Variants in CNOT10 observed in about 807,000 individuals in gnomAD.
CNOT10 encodes the protein CCR4-NOT transcription complex, subunit 10.
Under a neutral mutation model 94.6 loss-of-function variants are expected in CNOT10, and 30 were observed. That is an observed-to-expected ratio of 0.32 (90% CI 0.24 to 0.43). CNOT10 has a LOEUF of 0.43. Among genes scored for constraint, CNOT10 ranks in the 20% least tolerant of loss-of-function variants. CNOT10 has a pLI of 1.00. For synonymous variants in CNOT10, 289 were observed against 301.6 expected (o/e 0.96, Z 0.43); for missense variants, 759 against 877.2 (o/e 0.87, Z 1.70).
At chr3:32,755,085 A>G (rs188924975) in intron 13 of CNOT10, among the ~76,000 whole-genome samples, 42 of 150,752 alleles carry the variant, frequency 2.8e-4, no homozygotes, top group Admixed American at 5.9e-4. Flanking sequence ...CATCTCTACT[A>G]AAAATACAAA....
At chr3:32,727,092 G>T (rs945368339) in intron 9 of CNOT10, among the ~76,000 whole-genome samples, 5 of 151,874 alleles carry the variant, frequency 3.3e-5, no homozygotes, top group Admixed American at 1.3e-4. Flanking sequence ...TGATCTGCCC[G>T]CCTTGGCCTC....
At position 32,734,876 on chromosome 3, in the gene CNOT10, C is replaced by G; in HGVS notation, c.1414C>G (p.Leu472Val). The G allele has an allele frequency of 8.7e-6, 14 of 1,613,892 alleles. No homozygotes were observed. Among genetic ancestry groups the G allele is most frequent in the Non-Finnish European group, 1.2e-5 (14 of 1,179,844 alleles). ...AICLRNALLL[L>V]PEEQQDPKQE... The stretch of plus-strand genomic sequence containing the variant: ...ATGTCTCAGAAATGCCTTGTTGCTG[C>G]TACCTGAAGAACAGCAAGATCCAAA... The change falls in exon 12 of 19, where the codon CTA (leucine) becomes GTA (valine). Residue 472 changes from leucine to valine, a missense_variant. By Grantham distance (32) the Leu-to-Val change is conservative. This residue lies in a region of CNOT10 where 682 missense variants were observed against 799.4 expected (regional missense o/e 0.85). Transcript: ENST00000328834.
At chr3:32,707,445 G>A (rs2125522240) in intron 3 of CNOT10, among the ~76,000 whole-genome samples, 1 of 152,134 alleles carries the variant, frequency 6.6e-6, no homozygotes, top group East Asian at 1.9e-4. Context: ...CTAGCCCTAT[G>A]GCCTTGGGCA....
At chr3:32,771,232 T>C (rs933682080) in intron 18 of CNOT10, among the ~76,000 whole-genome samples, 4 of 151,632 alleles carry the variant, frequency 2.6e-5, no homozygotes, top group African/African-American at 4.8e-5. Flanking sequence ...AAGGCTGAGA[T>C]TGGAGGATCA....
intron 13 of CNOT10, among the ~76,000 whole-genome samples, chr3:32,740,754 C>T (rs1371645669): frequency 9.9e-5 from 15 of 151,326 alleles, no homozygotes; most frequent in African/African-American, 2.4e-4. Flanking sequence ...CCCAGCTACG[C>T]GGGAGGCTGA....
chr3:32,746,559 G>A (rs1254810133), intron 13 of CNOT10, among the ~76,000 whole-genome samples: 4 of 151,956 alleles, frequency 2.6e-5, no homozygotes, highest in Non-Finnish European at 5.9e-5. Context: ...CACTCCTGCC[G>A]GGTGCAGTGG....
At chr3:32,728,828 G>A (rs1401367758) in intron 10 of CNOT10, among the ~76,000 whole-genome samples, 1 of 151,550 alleles carries the variant, frequency 6.6e-6, no homozygotes, top group Non-Finnish European at 1.5e-5. Context: ...ACAGCCAGGT[G>A]CGGTGGTCAC....
At chr3:32,726,026 C>T (rs536210494) in intron 9 of CNOT10, among the ~76,000 whole-genome samples, 50 of 152,284 alleles carry the variant, frequency 3.3e-4, no homozygotes, top group African/African-American at 1.2e-3. Context: ...CTCATTTCAA[C>T]TTCTGCCTCC....
At chr3:32,698,833 TG>T (rs1359800366) in intron 1 of CNOT10, among the ~76,000 whole-genome samples, 1 of 152,220 alleles carries the variant, frequency 6.6e-6, no homozygotes, top group African/African-American at 2.4e-5. Context: ...CTGCCCAGGC[TG>T]GAGTGCTTTG....
chr3:32,755,319 CTTT>C (rs777391696), intron 13 of CNOT10, among the ~76,000 whole-genome samples: 2 of 131,164 alleles, frequency 1.5e-5, no homozygotes, highest in Non-Finnish European at 3.3e-5. Context: ...TTTTCTTTTT[CTTT>C]TTTTTTTTTT....
At chr3:32,752,676 C>T (rs1340387461) in intron 13 of CNOT10, among the ~76,000 whole-genome samples, 1 of 152,174 alleles carries the variant, frequency 6.6e-6, no homozygotes. Flanking sequence ...TAAACTTCAA[C>T]TTTAACAGTT....
At chr3:32,721,429 C>CTTTTTT (rs58351356) in intron 8 of CNOT10, among the ~76,000 whole-genome samples, 72 of 72,570 alleles carry the variant, frequency 9.9e-4, no homozygotes, top group East Asian at 4.3e-3. Context: ...TTTCTTTCAT[C>CTTTTTT]TTTTTTTTTT....
At chr3:32,735,821 T>G (rs1699163077) in intron 12 of CNOT10, among the ~76,000 whole-genome samples, 1 of 152,182 alleles carries the variant, frequency 6.6e-6, no homozygotes, top group African/African-American at 2.4e-5. Context: ...CCAGAATATT[T>G]TTGTATATTT....
chr3:32,716,663 T>G (rs1015134419), intron 6 of CNOT10, among the ~76,000 whole-genome samples: 25 of 152,180 alleles, frequency 1.6e-4, no homozygotes, highest in Non-Finnish European at 7.3e-5. Flanking sequence ...TTGTTTGTTT[T>G]TTGAGACGGA....
intron 1 of CNOT10, among the ~76,000 whole-genome samples, chr3:32,696,372 A>G (rs1386975566): frequency 6.6e-6 from 1 of 151,844 alleles, no homozygotes; most frequent in Non-Finnish European, 1.5e-5. Context: ...TCAGGCTGGT[A>G]GTCATATACT....
Position 32,733,384 on chromosome 3 carries a change from A to G in CNOT10, c.1216-39A>G, listed in dbSNP as rs551879879. 94 of 1,466,840 alleles carry G rather than the reference A, an allele frequency of 6.4e-5. 2 individuals carry two copies. In the South Asian group the frequency reaches 9.4e-4, roughly 15 times the overall value. 90.9% of individuals were successfully genotyped at this position (1,466,840 alleles called of 1,614,324 possible). The stretch of plus-strand genomic sequence containing the variant: ...CTCATTTTTTATACCACATCTTACA[A>G]TTCCCTTAAATTTATTGGAAATTAT... On this transcript the variant is annotated intron_variant, in intron 10 of 18. Transcript: ENST00000328834.
At chr3:32,694,746 C>G in intron 1 of CNOT10, among the ~76,000 whole-genome samples, 1 of 152,162 alleles carries the variant, frequency 6.6e-6, no homozygotes, top group Admixed American at 6.5e-5. Flanking sequence ...CGCACCACCA[C>G]GCCCAGCTAA....
Position 32,694,373 on chromosome 3 carries a change from G to A in CNOT10, c.22+8891G>A, listed in dbSNP as rs139484135. Among the ~76,000 whole-genome samples, 15 of 151,988 alleles carry A rather than the reference G, an allele frequency of 9.9e-5. No homozygotes were observed. In the East Asian group the frequency reaches 1.9e-3, roughly 20 times the overall value. Reference sequence around the variant, plus strand: ...CAAGTAGAATAAGTTGTCTAAGTTCGGTGTAAAAATTTGAGTAAAATCTAG... The same window carrying A: ...CAAGTAGAATAAGTTGTCTAAGTTCAGTGTAAAAATTTGAGTAAAATCTAG... On this transcript the variant is annotated intron_variant, in intron 1 of 18. Coordinates refer to ENST00000328834, the MANE Select transcript of CNOT10 (RefSeq NM_015442.3).
chr3:32,724,878 A>G (rs1698598388), intron 8 of CNOT10, among the ~76,000 whole-genome samples: 1 of 152,000 alleles, frequency 6.6e-6, no homozygotes, highest in South Asian at 2.1e-4. Flanking sequence ...TCTTTTCTAT[A>G]TATTCTTGCT....
Sources: gnomAD v4.1 joint callset for allele counts (sites outside exome capture counted in the v4.1 genomes callset) on GRCh38, gnomAD v4.1.1 for gene constraint, gnomAD v4.1.1 regional missense constraint, MANE v1.5 for transcripts, NCBI Gene and HGNC (gene_info 2026-07-23, HGNC 2026-07-21) for gene names.